Variants in TUSC3 observed in about 807,000 individuals in gnomAD.
TUSC3 encodes the protein tumor suppressor candidate 3, also known as dolichyl-diphosphooligosaccharide--protein glycosyltransferase subunit TUSC3.
In TUSC3, 45 loss-of-function variants were observed where a neutral mutation model predicts 44.8. The observed-to-expected ratio is 1.00, with a 90% confidence interval of 0.79 to 1.29. The LOEUF is 1.29. TUSC3 is among the 50% of genes most tolerant of loss of function. The pLI, the probability that TUSC3 is intolerant of heterozygous loss-of-function variation, is 0.00. For synonymous variants in TUSC3, 212 were observed against 152.9 expected (o/e 1.39, Z -2.85); for missense variants, 519 against 437.9 (o/e 1.19, Z -1.65).
chr8:15,631,668 TTGTGTGTGTGTGTG>T (rs147004169), intron 2 of TUSC3, among the ~76,000 whole-genome samples: 12 of 145,206 alleles, frequency 8.3e-5, no homozygotes, highest in South Asian at 2.3e-4. Flanking sequence ...TTTAAGGCTG[TTGTGTGTGTGTGTG>T]TGTGTGTGTG....
At chr8:15,718,223 A>G (rs1008377164) in intron 6 of TUSC3, among the ~76,000 whole-genome samples, 1 of 152,140 alleles carries the variant, frequency 6.6e-6, no homozygotes, top group Non-Finnish European at 1.5e-5. Flanking sequence ...AGCGTGATAC[A>G]TTAAACATTC....
intron 1 of TUSC3, among the ~76,000 whole-genome samples, chr8:15,555,768 C>T (rs1249058859): frequency 1.3e-5 from 2 of 151,444 alleles, no homozygotes; most frequent in Non-Finnish European, 2.9e-5. Context: ...AGAAGTTTAG[C>T]AACATTTGAT....
chr8:15,517,686 A>C (rs1801238395), intron 2 of TUSC3, among the ~76,000 whole-genome samples: 1 of 152,086 alleles, frequency 6.6e-6, no homozygotes, highest in Non-Finnish European at 1.5e-5. Context: ...CTGCACACGA[A>C]ACAATTGCTA....
At chr8:15,460,276 C>T (rs1202816224) in intron 1 of TUSC3, among the ~76,000 whole-genome samples, 3 of 152,010 alleles carry the variant, frequency 2.0e-5, no homozygotes, top group African/African-American at 7.2e-5. Flanking sequence ...ATTTGCAGTT[C>T]CCTGATTGTT....
intron 4 of TUSC3, 133 bp from the exon 5 acceptor site, chr8:15,662,023 C>G (rs969994823): frequency 1.8e-5 from 17 of 927,998 alleles, no homozygotes; most frequent in African/African-American, 1.6e-5. Context: ...GAAAGTAGTG[C>G]TAGTGTCACG....
At chr8:15,679,576 G>T (rs550166337) in intron 6 of TUSC3, among the ~76,000 whole-genome samples, 2 of 152,036 alleles carry the variant, frequency 1.3e-5, no homozygotes, top group African/African-American at 2.4e-5. Context: ...TCCTTTTGCT[G>T]TGTAGAAGCT....
At chr8:15,664,325 C>T (rs139065284) in intron 5 of TUSC3, among the ~76,000 whole-genome samples, 156 of 151,652 alleles carry the variant, frequency 1.0e-3, no homozygotes, top group African/African-American at 3.6e-3. Context: ...CCAGTAGATA[C>T]AGTGAGCCCT....
At chr8:15,441,404 C>T (rs1048360468) in intron 1 of TUSC3, among the ~76,000 whole-genome samples, 1 of 151,450 alleles carries the variant, frequency 6.6e-6, no homozygotes, top group Non-Finnish European at 1.5e-5. Flanking sequence ...GAGACTCTCT[C>T]AAAAAAATTA....
chr8:15,491,913 C>T (rs1800814296), intron 2 of TUSC3, among the ~76,000 whole-genome samples: 1 of 152,292 alleles, frequency 6.6e-6, no homozygotes, highest in Admixed American at 6.5e-5. Context: ...ATTTAATTTA[C>T]TTTATATATT....
At chr8:15,549,172 A>G (rs1801969302) in intron 1 of TUSC3, among the ~76,000 whole-genome samples, 1 of 151,546 alleles carries the variant, frequency 6.6e-6, no homozygotes, top group African/African-American at 2.4e-5. Context: ...AAAAGTACTT[A>G]TTTATTTTAT....
intron 6 of TUSC3, among the ~76,000 whole-genome samples, chr8:15,729,429 C>G (rs1810624675): frequency 1.3e-5 from 2 of 151,982 alleles, no homozygotes; most frequent in South Asian, 4.2e-4. Context: ...TCTCAGTTTC[C>G]TCATTTGGAA....
intron 1 of TUSC3, among the ~76,000 whole-genome samples, chr8:15,605,221 A>T (rs1289979958): frequency 6.6e-6 from 1 of 151,922 alleles, no homozygotes; most frequent in African/African-American, 2.4e-5. Context: ...AAAGAAGCAC[A>T]GAGTAACTCA....
At chr8:15,476,098 A>G (rs1478879219) in intron 1 of TUSC3, among the ~76,000 whole-genome samples, 1 of 152,202 alleles carries the variant, frequency 6.6e-6, no homozygotes, top group Non-Finnish European at 1.5e-5. Flanking sequence ...TTTTTAACCA[A>G]TAAAGTGCAG....
intron 1 of TUSC3, among the ~76,000 whole-genome samples, chr8:15,418,499 T>G (rs1385237091): frequency 6.6e-6 from 1 of 152,198 alleles, no homozygotes; most frequent in Non-Finnish European, 1.5e-5. Context: ...CCCACAGGGC[T>G]GTCAAGAAAA....
chr8:15,456,250 C>T (rs1449895474), intron 1 of TUSC3, among the ~76,000 whole-genome samples: 5 of 152,140 alleles, frequency 3.3e-5, no homozygotes, highest in Admixed American at 2.0e-4. Context: ...TGACTTAAAC[C>T]CTTTCTTTAC....
chr8:15,621,694 TCTAA>T (rs1004386063), intron 1 of TUSC3, among the ~76,000 whole-genome samples: 69 of 149,996 alleles, frequency 4.6e-4, no homozygotes, highest in Non-Finnish European at 4.3e-4. Context: ...TATATGTAAA[TCTAA>T]CTAAATGCAA....
intron 2 of TUSC3, among the ~76,000 whole-genome samples, chr8:15,513,560 A>G (rs1370293455): frequency 1.3e-5 from 2 of 152,228 alleles, no homozygotes; most frequent in Non-Finnish European, 2.9e-5. Flanking sequence ...GGTCCTTTTT[A>G]GACTCAAGAA....
the TUSC3 span, among the ~76,000 whole-genome samples, chr8:15,781,975 A>G: frequency 6.6e-6 from 1 of 152,204 alleles, no homozygotes; most frequent in Non-Finnish European, 1.5e-5. Flanking sequence ...TCTACTAAAA[A>G]ATACAAAAAT....
At chr8:15,802,298 A>G in the TUSC3 span, among the ~76,000 whole-genome samples, 1 of 152,346 alleles carries the variant, frequency 6.6e-6, no homozygotes, top group East Asian at 1.9e-4. Flanking sequence ...TTTCTTGTCA[A>G]AACATGAGCT....
Sources: allele counts gnomAD v4.1 joint callset (sites outside exome capture counted in the v4.1 genomes callset), GRCh38; gene constraint gnomAD v4.1.1; transcripts MANE v1.5; gene names NCBI Gene and HGNC (gene_info 2026-07-23, HGNC 2026-07-21).